Variants in CARD10 observed in about 807,000 individuals in gnomAD.
CARD10 encodes the protein caspase recruitment domain family member 10.
Under a neutral mutation model 114.6 loss-of-function variants are expected in CARD10, and 49 were observed. The observed-to-expected ratio is 0.43, with a 90% CI of 0.34 to 0.54. The LOEUF (loss-of-function observed/expected upper bound fraction) is 0.54. Ranked by LOEUF, CARD10 falls within the 20% of genes least tolerant of loss-of-function variation. The pLI is 0.03. For synonymous variants in CARD10, 602 were observed against 593.2 expected, an observed-to-expected ratio of 1.01 and a Z score of -0.21; for missense variants, 1,206 against 1,397.2, an observed-to-expected ratio of 0.86 and a Z score of 2.18.
At chr22:37,508,244 T>C (rs2235334) in intron 5 of CARD10, among the ~76,000 whole-genome samples, 90,491 of 152,064 alleles carry the variant, frequency 0.6, 28,076 homozygotes, top group African/African-American at 0.79. Context: ...TCTCCCACGG[T>C]GCTCATCGCC....
chr22:37,505,900 G>A (rs1449695180), intron 7 of CARD10, among the ~76,000 whole-genome samples: 1 of 152,174 alleles, frequency 6.6e-6, no homozygotes, highest in Non-Finnish European at 1.5e-5. Flanking sequence ...CACTCAGGCA[G>A]CCAGCCTTCC....
At chr22:37,511,011 G>A (rs906926083) in intron 3 of CARD10, among the ~76,000 whole-genome samples, 2 of 150,430 alleles carry the variant, frequency 1.3e-5, no homozygotes, top group Non-Finnish European at 2.9e-5. Flanking sequence ...GAACCCAGGA[G>A]ATGGAGGTTA....
Position 37,504,646 on chromosome 22 carries a change from G to T in CARD10, c.1507C>A (p.Pro503Thr). Residue 503 changes from proline to threonine, a missense_variant, in exon 8 of 20, where the codon CCT (proline) becomes ACT (threonine). Around this residue, in one of 2 missense-constraint regions of CARD10, gnomAD observed 1,068 missense variants for 1,179.1 expected, o/e 0.91. Coordinates refer to ENST00000251973, the MANE Select transcript of CARD10 (RefSeq NM_014550.4). Reference protein sequence around the residue: ...GEAAVMGGPEPHNSEEATDSE... With the variant: ...GEAAVMGGPETHNSEEATDSE... ...GGCAGTTGTCTTACCGAGTTGTGAG[G>T]CTCAGGTCCCCCCATGACAGCTGCC... The T allele has an allele frequency of 6.6e-7, 1 of 1,506,302 alleles. No homozygotes were observed. Among genetic ancestry groups the T allele is most frequent in the Non-Finnish European group, 8.9e-7 (1 of 1,129,778 alleles). The allele number at this position is 1,506,302 out of a possible 1,614,324, so 93.3% of individuals were successfully genotyped here. A position where few individuals can be genotyped will look rare whatever the true frequency, so the allele number is the denominator to read the frequency against.
At chr22:37,503,160 C>T in intron 10 of CARD10, 25 bp downstream of exon 10, 1 of 1,609,172 alleles carries the variant, frequency 6.2e-7, no homozygotes, top group Non-Finnish European at 8.5e-7. Context: ...GAGGAGCCCT[C>T]CCCACGGAAC....
At chr22:37,507,350 G>A (rs576163626) in intron 6 of CARD10, among the ~76,000 whole-genome samples, 1 of 152,320 alleles carries the variant, frequency 6.6e-6, no homozygotes, top group Non-Finnish European at 1.5e-5. Context: ...AAAACCTCCT[G>A]CCCTTCCCCG....
In CARD10 at chr22:37,501,415, CG is replaced by C. The variant is rs1003259469; in HGVS notation, c.1787+1186del. 8.6e-5 allele frequency among the ~76,000 whole-genome samples: 13 copies of C among 151,082 alleles called. No individual in the cohort carries two copies. The highest frequency in any genetic ancestry group is 3.2e-4 in the African/African-American group (13 of 40,886). ...AAGGGAGGCGCCTCCACCCCTTCCC[CG>C]AGAAGCACGTCCTGCACAGGCAAAA... On this transcript the variant is annotated intron_variant, in intron 11 of 19. Coordinates refer to ENST00000251973, the MANE Select transcript of CARD10 (RefSeq NM_014550.4). This position sits in a 1 kb window ranked among gnomAD's most constrained non-coding sequence, Gnocchi z 5.4.
chr22:37,514,593 C>T (rs1198942496), intron 3 of CARD10: 1 of 152,424 alleles, frequency 6.6e-6, no homozygotes, highest in African/African-American at 2.4e-5. Flanking sequence ...GGGCTCACCT[C>T]CCCAAGATAT....
intron 11 of CARD10, among the ~76,000 whole-genome samples, chr22:37,500,276 T>A (rs1923164521): frequency 6.6e-6 from 1 of 152,114 alleles, no homozygotes; most frequent in Non-Finnish European, 1.5e-5. Flanking sequence ...ATGGGAACCC[T>A]CTCTTTGCAA....
At chr22:37,510,906 AC>A (rs1431349107) in intron 3 of CARD10, among the ~76,000 whole-genome samples, 3 of 152,022 alleles carry the variant, frequency 2.0e-5, no homozygotes, top group African/African-American at 4.8e-5. Context: ...ACATGGTGAA[AC>A]CCCGTCTCTA....
In CARD10 at chr22:37,491,126, G is replaced by T. The variant is rs1423641751; in HGVS notation, c.*33C>A. On this transcript the variant is annotated 3_prime_UTR_variant, in exon 20 of 20. Transcript: ENST00000251973. The stretch of plus-strand genomic sequence containing the variant: ...ACCATAGACACCAGGGTCCACGCTG[G>T]CTTGGGGAGAAGGTGCAGGTATCAG... 1.3e-6 allele frequency: 2 copies of T among 1,503,908 alleles called. No homozygotes were observed. The highest frequency in any genetic ancestry group is 1.8e-6 in the Non-Finnish European group (2 of 1,108,632). The allele number at this position is 1,503,908 out of a possible 1,614,324, so 93.2% of individuals were successfully genotyped here.
In CARD10 at chr22:37,516,146, G is replaced by A. The variant is rs765306970; in HGVS notation, c.526C>T (p.Arg176Trp). ...EERAGLEQRL[R>W]DQQQAQERCQ... ...CGCTCCTGAGCCTGCTGCTGGTCCC[G>A]CAGCCGCTGCTCCAGCCCTGCCCGC... Residue 176 changes from arginine to tryptophan, a missense_variant, in exon 3 of 20, where the codon CGG becomes TGG. Arg to Trp is a moderately radical substitution (Grantham distance 101). Transcript: ENST00000251973. 5.6e-6 allele frequency: 9 copies of A among 1,593,958 alleles called. No homozygotes were observed. Among genetic ancestry groups the A allele is most frequent in the East Asian group, 4.6e-5 (2 of 43,930 alleles).
At chr22:37,495,287 CA>C (rs766761444) in intron 15 of CARD10, among the ~76,000 whole-genome samples, 11 of 152,216 alleles carry the variant, frequency 7.2e-5, no homozygotes, top group African/African-American at 1.4e-4. Flanking sequence ...TATTATGTAC[CA>C]GGGGTACTCC....
At chr22:37,511,733 C>T (rs1441664086) in intron 3 of CARD10, among the ~76,000 whole-genome samples, 1 of 151,984 alleles carries the variant, frequency 6.6e-6, no homozygotes, top group Non-Finnish European at 1.5e-5. Context: ...CGCAACAAGC[C>T]AACATCTCAC....
chr22:37,500,589 A>G (rs900404174), intron 11 of CARD10, among the ~76,000 whole-genome samples: 2 of 152,180 alleles, frequency 1.3e-5, no homozygotes, highest in African/African-American at 4.8e-5. Flanking sequence ...AATGGGAAAG[A>G]GGAGAGAAAA....
At chr22:37,502,948 G>A (rs953751217) in intron 10 of CARD10, among the ~76,000 whole-genome samples, 2 of 152,348 alleles carry the variant, frequency 1.3e-5, no homozygotes, top group South Asian at 2.1e-4. Context: ...GAAGAGCCTC[G>A]TACATCACAG....
intron 11 of CARD10, among the ~76,000 whole-genome samples, chr22:37,500,511 C>T (rs1204651691): frequency 6.6e-6 from 1 of 152,108 alleles, no homozygotes; most frequent in African/African-American, 2.4e-5. Context: ...ACCATCCCCT[C>T]CCGGCACCCA....
Position 37,495,982 on chromosome 22 carries a change from G to T in CARD10, c.2081C>A (p.Ala694Asp), listed in dbSNP as rs372113093. 6.2e-7 allele frequency: 1 copy of T among 1,613,966 alleles called. No individual in the cohort carries two copies. Among genetic ancestry groups the T allele is most frequent in the Non-Finnish European group, 8.5e-7 (1 of 1,179,986 alleles). ...DSKACQSFHEALEAWAKGPGA... is the reference protein window; with the variant it reads ...DSKACQSFHEDLEAWAKGPGA... ...TGGTCCCTTTGCCCAGGCTTCTAGG[G>T]CCTCGTGGAAGGACTGGCAGGCTGG... The change falls in exon 14 of 20, where the codon GCC (alanine) becomes GAC (aspartate). Residue 694 changes from alanine to aspartate, a missense_variant. Coordinates refer to ENST00000251973, the MANE Select transcript of CARD10 (RefSeq NM_014550.4).
chr22:37,515,286 G>C (rs1426535350), intron 3 of CARD10, among the ~76,000 whole-genome samples: 1 of 152,218 alleles, frequency 6.6e-6, no homozygotes, highest in African/African-American at 2.4e-5. Context: ...CACCGGGCCA[G>C]GTACGGTGGC....
chr22:37,509,251 G>C (rs1040247463), intron 4 of CARD10: 21 of 1,008,634 alleles, frequency 2.1e-5, no homozygotes, highest in Non-Finnish European at 2.9e-5. Flanking sequence ...CTGACCTGCC[G>C]CAGGACACTA....
Sources: gnomAD v4.1 joint callset for allele counts (sites outside exome capture counted in the v4.1 genomes callset) on GRCh38, gnomAD v4.1.1 for gene constraint, gnomAD v4.1.1 regional missense constraint, Gnocchi (gnomAD v3.1) non-coding constraint, MANE v1.5 for transcripts, NCBI Gene and HGNC (gene_info 2026-07-23, HGNC 2026-07-21) for gene names.